The following SMARCAL1 variants were observed in gnomAD, a reference collection of about 807,000 sequenced individuals.
SMARCAL1 encodes SNF2 related chromatin remodeling annealing helicase 1.
In SMARCAL1, 58 loss-of-function variants were observed where a neutral mutation model predicts 94.5. The ratio of observed to expected loss-of-function variants is 0.61; its 90% CI spans 0.50 to 0.76. SMARCAL1 has a LOEUF of 0.76. Among genes scored for constraint, SMARCAL1 ranks in the 30% least tolerant of loss-of-function variants. The probability of loss-of-function intolerance (pLI) is 0.00; values close to 1 mark genes in which losing one functional copy is unlikely to be tolerated. For missense variants in SMARCAL1, 1,051 were observed against 1,177.9 expected (o/e 0.89, Z 1.58); for synonymous variants, 422 against 455.1 (o/e 0.93, Z 0.93).
chr2:216,467,929 C>A lies in SMARCAL1; in HGVS notation c.2142-15C>A, dbSNP rs371522763. The A allele has an allele frequency of 1.2e-5, 18 of 1,487,580 alleles. No individual in the cohort carries two copies. In the African/African-American group the frequency reaches 2.5e-4, roughly 21 times the overall value. 92.1% of individuals were successfully genotyped at this position (1,487,580 alleles called of 1,614,324 possible). A position where few individuals can be genotyped will look rare whatever the true frequency, so the allele number is the denominator to read the frequency against. ...GTATATGTTTAATCTGTTTTGTTGT[C>A]ATTGTCAAATGCAGTGAATATATCT... is the stretch of plus-strand genomic sequence containing the variant. On this transcript the variant is annotated splice_polypyrimidine_tract_variant and intron_variant, in intron 13 of 17. Transcript: ENST00000357276.
chr2:216,465,162 A>G (rs1694805731), intron 13 of SMARCAL1, among the ~76,000 whole-genome samples: 1 of 152,196 alleles, frequency 6.6e-6, no homozygotes, highest in African/African-American at 2.4e-5. Flanking sequence ...GGAAAAATGA[A>G]AAAAGTAAAA....
At chr2:216,417,250 T>C (rs967615687) in intron 4 of SMARCAL1, among the ~76,000 whole-genome samples, 3 of 152,246 alleles carry the variant, frequency 2.0e-5, no homozygotes, top group Non-Finnish European at 4.4e-5. Flanking sequence ...CTCCAATTCT[T>C]GAAATGTGTA....
rs765565692 is a variant in SMARCAL1, at chr2:216,447,156, C to T, written c.1849C>T (p.Arg617Trp). The T allele has an allele frequency of 5.0e-6, 8 of 1,613,966 alleles. No individual in the cohort carries two copies. Among genetic ancestry groups the T allele is most frequent in the Admixed American group, 3.3e-5 (2 of 60,000 alleles). The change falls in exon 11 of 18, where the codon CGG becomes TGG. Residue 617 changes from arginine (R) to tryptophan (W), a missense_variant and splice_region_variant. Arg to Trp is a moderately radical substitution (Grantham distance 101, BLOSUM62 -3). Transcript: ENST00000357276. ...AFGLRYCDAK[R>W]MPWGWDYSGS... is the part of the protein sequence containing the mutation. ...TGGACTTCGCTACTGTGATGCCAAA[C>T]GGGTATGTATTATCTCTTCCCTCCC...
intron 17 of SMARCAL1, among the ~76,000 whole-genome samples, chr2:216,481,660 T>C (rs1211123827): frequency 6.6e-6 from 1 of 151,848 alleles, no homozygotes; most frequent in Admixed American, 6.6e-5. Flanking sequence ...CGCACCACCA[T>C]GTCTGGCTAA....
At chr2:216,438,979 A>G (rs1024933100) in intron 10 of SMARCAL1, among the ~76,000 whole-genome samples, 1 of 152,190 alleles carries the variant, frequency 6.6e-6, no homozygotes, top group African/African-American at 2.4e-5. Context: ...ATACAAACAG[A>G]ACTGAGCAAG....
At chr2:216,423,857 G>A (rs752965988) in intron 6 of SMARCAL1, among the ~76,000 whole-genome samples, 174 bp downstream of exon 6, 47 of 152,174 alleles carry the variant, frequency 3.1e-4, no homozygotes, top group Non-Finnish European at 5.0e-4. Context: ...TGAGATGGTG[G>A]CTTTATGACA....
intron 12 of SMARCAL1, among the ~76,000 whole-genome samples, chr2:216,457,000 C>G (rs991041049): frequency 9.9e-5 from 15 of 152,150 alleles, no homozygotes; most frequent in Non-Finnish European, 2.1e-4. Context: ...GGAGGAAGAT[C>G]TACCAAGCAA....
At chr2:216,432,960 C>T in intron 8 of SMARCAL1, 92 bp downstream of exon 8, 1 of 1,499,410 alleles carries the variant, frequency 6.7e-7, no homozygotes. Context: ...GCCTAGGGAT[C>T]TTTAAGGATC....
intron 10 of SMARCAL1, among the ~76,000 whole-genome samples, chr2:216,439,496 C>G: frequency 6.6e-6 from 1 of 152,286 alleles, no homozygotes; most frequent in East Asian, 1.9e-4. Context: ...TTCTTGTGCT[C>G]AAAGCAACCT....
At chr2:216,461,350 GTA>G (rs1401647839) in intron 12 of SMARCAL1, among the ~76,000 whole-genome samples, 1 of 151,720 alleles carries the variant, frequency 6.6e-6, no homozygotes, top group African/African-American at 2.4e-5. Flanking sequence ...AATTATGTGT[GTA>G]TATGTTGCTT....
intron 5 of SMARCAL1, among the ~76,000 whole-genome samples, chr2:216,422,374 A>G (rs541759960): frequency 5.3e-5 from 8 of 152,210 alleles, no homozygotes; most frequent in African/African-American, 1.9e-4. Flanking sequence ...TCTCAAAAAT[A>G]AAAAAGGCAA....
Position 216,420,321 on chromosome 2 carries a change from C to T in SMARCAL1, c.885C>T (p.Pro295=), listed in dbSNP as rs1394254789. The change falls in exon 5 of 18, where the codon CCC becomes CCT. Residue 295 remains proline, a synonymous_variant. Coordinates refer to ENST00000357276, the MANE Select transcript of SMARCAL1 (RefSeq NM_014140.4). ...CAGTGAAAGCAGCCCAGAGCCTCCCCACGGTCAACCTGCAGCCTCTGGAAT... is the reference window on the plus strand; with the variant it reads ...CAGTGAAAGCAGCCCAGAGCCTCCCTACGGTCAACCTGCAGCCTCTGGAAT... The part of the protein sequence containing the change: ...SALMKAAQSL[P]TVNLQPLEWA... The T allele has an allele frequency of 1.2e-6, 2 of 1,614,088 alleles. No homozygotes were observed. The highest frequency in any genetic ancestry group is 1.7e-5 in the Admixed American group (1 of 60,010).
chr2:216,435,948 T>C (rs1340566791), intron 9 of SMARCAL1, among the ~76,000 whole-genome samples: 4 of 152,158 alleles, frequency 2.6e-5, no homozygotes, highest in African/African-American at 9.7e-5. Flanking sequence ...CTTTTTACTC[T>C]AACTGTTTTT....
At chr2:216,456,372 C>T (rs943000702) in intron 12 of SMARCAL1, among the ~76,000 whole-genome samples, 1 of 152,136 alleles carries the variant, frequency 6.6e-6, no homozygotes, top group Non-Finnish European at 1.5e-5. Context: ...TTGAGAAGAG[C>T]AACTCCAAGA....
intron 14 of SMARCAL1, among the ~76,000 whole-genome samples, chr2:216,470,121 TTAA>T (rs1254952976): frequency 6.6e-6 from 1 of 152,168 alleles, no homozygotes; most frequent in East Asian, 1.9e-4. Flanking sequence ...ATTCTGGATA[TTAA>T]TGTTTTATCA....
intron 17 of SMARCAL1, among the ~76,000 whole-genome samples, chr2:216,479,432 C>CA (rs532759698): frequency 0.074 from 8,938 of 120,350 alleles, 508 homozygotes; most frequent in African/African-American, 0.18. Context: ...GAGCCTGCCT[C>CA]AAAAAAAAAA....
chr2:216,452,316 T>G (rs1299271255), intron 12 of SMARCAL1, among the ~76,000 whole-genome samples: 12 of 152,200 alleles, frequency 7.9e-5, no homozygotes, highest in Admixed American at 7.9e-4. Flanking sequence ...GAGTAGATTA[T>G]TTTTTCTCAA....
In SMARCAL1 at chr2:216,477,059, TGGAACTGCTTCA is replaced by T. The variant is rs1345477137; in HGVS notation, c.2428-47_2428-36del. The T allele has an allele frequency of 1.7e-5, 25 of 1,442,406 alleles. No homozygotes were observed. In the Admixed American group the frequency reaches 4.9e-4, roughly 28 times the overall value. The allele number at this position is 1,442,406 out of a possible 1,614,324, so 89.4% of individuals were successfully genotyped here. ...GAGGAACCATACCTGCTATGGTGGA[TGGAACTGCTTCA>T]GGCCTTTACCTGCCTGTCTCAATTC... On this transcript the variant is annotated intron_variant, in intron 15 of 17. Transcript: ENST00000357276.
chr2:216,428,870 A>G (rs1693898600), intron 7 of SMARCAL1, 88 bp downstream of exon 7: 1 of 1,233,054 alleles, frequency 8.1e-7, no homozygotes, highest in Non-Finnish European at 1.2e-6. Context: ...CTGTTTTATG[A>G]ACTTTTATTT....
Sources: gnomAD v4.1 joint callset for allele counts (sites outside exome capture counted in the v4.1 genomes callset) on GRCh38, gnomAD v4.1.1 for gene constraint, MANE v1.5 for transcripts, NCBI Gene and HGNC (gene_info 2026-07-23, HGNC 2026-07-21) for gene names.